MSRA: variants seen among roughly 807,000 people sequenced by gnomAD.
MSRA encodes the protein mitochondrial peptide methionine sulfoxide reductase.
A neutral mutation model predicts 31.3 loss-of-function variants in MSRA; 54 were observed. The observed-to-expected ratio is 1.73, with a 90% CI of 1.39 to 2.17. The LOEUF (loss-of-function observed/expected upper bound fraction) is 2.17. Among genes scored for constraint, MSRA ranks in the 30% most tolerant of loss-of-function variants. The pLI is 0.00. For synonymous variants in MSRA, 169 were observed against 116.5 expected, an observed-to-expected ratio of 1.45 and a Z score of -2.90; for missense variants, 507 against 300.9, an observed-to-expected ratio of 1.69 and a Z score of -5.07.
At chr8:10,213,354 TTGCACTA>T (rs1809683866) in intron 2 of MSRA, among the ~76,000 whole-genome samples, 1 of 152,054 alleles carries the variant, frequency 6.6e-6, no homozygotes, top group Non-Finnish European at 1.5e-5. Context: ...CAACACTATG[TTGCACTA>T]TGCACTATGA....
intron 1 of MSRA, among the ~76,000 whole-genome samples, chr8:10,061,112 G>C (rs1802693490): frequency 6.6e-6 from 1 of 152,090 alleles, no homozygotes; most frequent in Admixed American, 6.5e-5. Flanking sequence ...TGGGATGAGG[G>C]TATTCTGTAC....
intron 1 of MSRA, among the ~76,000 whole-genome samples, chr8:10,157,559 T>C (rs1585053791): frequency 6.6e-6 from 1 of 151,716 alleles, no homozygotes; most frequent in African/African-American, 2.4e-5. Context: ...TTATTAGGGG[T>C]CTGTAGGCAA....
In MSRA at chr8:10,377,273, C is replaced by G. The variant is rs1805808317; in HGVS notation, c.544-50875C>G. ...ATTTGACATTCTTGCCTGGCAAAATCCCAAACTGGAAGGTGGCCTGAAGCC... is the reference window on the plus strand; with the variant it reads ...ATTTGACATTCTTGCCTGGCAAAATGCCAAACTGGAAGGTGGCCTGAAGCC... On this transcript the variant is annotated intron_variant, in intron 5 of 5. Transcript: ENST00000317173. 1.3e-5 allele frequency among the ~76,000 whole-genome samples: 2 copies of G among 152,274 alleles called. 1 individual carries two copies. The highest frequency in any genetic ancestry group is 4.1e-4 in the South Asian group (2 of 4,838).
chr8:10,120,493 C>T (rs1801029733), intron 1 of MSRA, among the ~76,000 whole-genome samples: 2 of 152,170 alleles, frequency 1.3e-5, no homozygotes, highest in Admixed American at 6.5e-5. Context: ...TCAGTCACTT[C>T]CAAAATACTA....
intron 3 of MSRA, among the ~76,000 whole-genome samples, chr8:10,253,519 G>A (rs1483288645): frequency 2.0e-5 from 3 of 152,244 alleles, no homozygotes; most frequent in African/African-American, 7.2e-5. Context: ...CAAATGGAAA[G>A]GAACAATAAT....
chr8:10,324,865 A>G (rs976873982), intron 5 of MSRA, among the ~76,000 whole-genome samples: 2 of 152,366 alleles, frequency 1.3e-5, no homozygotes, highest in African/African-American at 4.8e-5. Flanking sequence ...GCATGTTTCC[A>G]TTGAATGCCA....
intron 1 of MSRA, among the ~76,000 whole-genome samples, chr8:10,152,017 G>A (rs988089827): frequency 6.6e-6 from 1 of 152,208 alleles, no homozygotes; most frequent in Admixed American, 6.5e-5. Flanking sequence ...AACTGAGGGT[G>A]CTTCTGAAGT....
At chr8:10,180,770 T>A (rs1806469084) in intron 1 of MSRA, among the ~76,000 whole-genome samples, 1 of 152,224 alleles carries the variant, frequency 6.6e-6, no homozygotes, top group Admixed American at 6.5e-5. Flanking sequence ...TTGGAAATTG[T>A]GGTTTAGTTT....
At chr8:10,321,112 C>T (rs1802020945) in intron 5 of MSRA, among the ~76,000 whole-genome samples, 1 of 152,090 alleles carries the variant, frequency 6.6e-6, no homozygotes, top group South Asian at 2.1e-4. Context: ...TAATTATTTT[C>T]AGAGTTGTGT....
At chr8:10,304,190 G>T (rs1283951108) in intron 4 of MSRA, among the ~76,000 whole-genome samples, 1 of 152,188 alleles carries the variant, frequency 6.6e-6, no homozygotes, top group East Asian at 1.9e-4. Flanking sequence ...ACCCTCCTTG[G>T]CCTCCCAAAG....
At chr8:10,140,750 T>C (rs934436176) in intron 1 of MSRA, among the ~76,000 whole-genome samples, 3 of 152,170 alleles carry the variant, frequency 2.0e-5, no homozygotes, top group Admixed American at 2.0e-4. Flanking sequence ...TTAACTCCTT[T>C]AAGAGAGAAG....
chr8:10,383,622 C>A (rs868280796), intron 5 of MSRA, among the ~76,000 whole-genome samples: 1 of 151,990 alleles, frequency 6.6e-6, no homozygotes, highest in African/African-American at 2.4e-5. Flanking sequence ...ATATTAGACA[C>A]CTTGAAGTGA....
intron 2 of MSRA, among the ~76,000 whole-genome samples, chr8:10,242,344 CT>C (rs1797378961): frequency 6.6e-6 from 1 of 151,566 alleles, no homozygotes; most frequent in South Asian, 2.1e-4. Context: ...GGGGTGGACA[CT>C]TAGATGATAA....
intron 5 of MSRA, among the ~76,000 whole-genome samples, chr8:10,394,070 C>T (rs900501336): frequency 2.0e-5 from 3 of 152,194 alleles, no homozygotes. Flanking sequence ...TAGAGAGCGA[C>T]AGGAACTATG....
At chr8:10,322,818 A>T (rs57737477) in intron 5 of MSRA, among the ~76,000 whole-genome samples, 1 of 152,026 alleles carries the variant, frequency 6.6e-6, no homozygotes, top group Admixed American at 6.5e-5. Flanking sequence ...GAGGCAGGGC[A>T]CAGTGACTCA....
chr8:10,224,303 G>C (rs1200015149), intron 2 of MSRA, among the ~76,000 whole-genome samples: 1 of 152,188 alleles, frequency 6.6e-6, no homozygotes, highest in African/African-American at 2.4e-5. Flanking sequence ...TTGCATGTTA[G>C]AATGATTGCT....
At chr8:10,085,795 C>T (rs560305059) in intron 1 of MSRA, among the ~76,000 whole-genome samples, 1 of 152,194 alleles carries the variant, frequency 6.6e-6, no homozygotes, top group African/African-American at 2.4e-5. Flanking sequence ...TTTCTGTCTC[C>T]ATAGTTATCT....
chr8:10,255,221 TC>T (rs2129089026), intron 3 of MSRA, among the ~76,000 whole-genome samples: 1 of 152,354 alleles, frequency 6.6e-6, no homozygotes, highest in Non-Finnish European at 1.5e-5. Flanking sequence ...CACACCTCGC[TC>T]ATCACTAGCC....
intron 2 of MSRA, among the ~76,000 whole-genome samples, chr8:10,235,774 G>A (rs959790751): frequency 6.6e-6 from 1 of 152,054 alleles, no homozygotes; most frequent in Non-Finnish European, 1.5e-5. Context: ...TGTTACATAG[G>A]AGAGAAAATA....
Sources: gnomAD v4.1 joint callset for allele counts (sites outside exome capture counted in the v4.1 genomes callset) on GRCh38, gnomAD v4.1.1 for gene constraint, MANE v1.5 for transcripts, NCBI Gene and HGNC (gene_info 2026-07-23, HGNC 2026-07-21) for gene names.